EXOC2: variants seen among roughly 807,000 people sequenced by gnomAD.
EXOC2 encodes exocyst complex component 2.
EXOC2 carries 70 observed loss-of-function variants against 131.8 expected under a neutral mutation model. That is an observed-to-expected ratio of 0.53 (90% CI 0.44 to 0.65). The LOEUF (loss-of-function observed/expected upper bound fraction) is 0.65, where lower values mean the gene tolerates loss of function less well. Among genes scored for constraint, EXOC2 ranks in the 30% least tolerant of loss-of-function variants. The probability of loss-of-function intolerance (pLI) is 0.00; values close to 1 mark genes in which losing one functional copy is unlikely to be tolerated. For missense variants in EXOC2, 923 were observed against 1,108.6 expected (o/e 0.83, Z 2.38); for synonymous variants, 411 against 398.4 (o/e 1.03, Z -0.38).
chr6:632,873 G>A, intron 3 of EXOC2, 68 bp downstream of exon 3: 2 of 1,482,568 alleles, frequency 1.3e-6, no homozygotes, highest in Non-Finnish European at 1.8e-6. Context: ...GAATCTACCA[G>A]CTTTACAGCT....
chr6:593,701 C>T (rs1759665649), intron 10 of EXOC2, among the ~76,000 whole-genome samples: 1 of 152,282 alleles, frequency 6.6e-6, no homozygotes, highest in African/African-American at 2.4e-5. Context: ...AAGCCATATG[C>T]CATTCTTTGT....
chr6:589,329 C>T (rs1405095460), intron 11 of EXOC2, among the ~76,000 whole-genome samples: 1 of 151,396 alleles, frequency 6.6e-6, no homozygotes, highest in East Asian at 1.9e-4. Context: ...CTGTCGAGCA[C>T]CTGCACGGTG....
chr6:562,879 T>C (rs1483155118), intron 16 of EXOC2, 34 bp from the exon 17 acceptor site: 4 of 1,452,826 alleles, frequency 2.8e-6, no homozygotes, highest in Middle Eastern at 2.1e-4. Context: ...TACTTTATTA[T>C]AATTATCTCA....
chr6:598,086 T>C lies in EXOC2; in HGVS notation c.1008A>G (p.Arg336=), dbSNP rs1759919279. The part of the protein sequence containing the change: ...AEVETRIEAL[R]ELLLDKLLET... ...CAAGCAATTTATCCAGAAGTAATTC[T>C]CTTAAAGCTTCAATCCTTGTTTCTA... Residue 336 remains arginine (R), a synonymous_variant, in exon 10 of 28, where the codon AGA becomes AGG. Coordinates refer to ENST00000230449, the MANE Select transcript of EXOC2 (RefSeq NM_018303.6). 1 of 1,613,666 alleles carries C rather than the reference T, an allele frequency of 6.2e-7. No homozygotes were observed. The highest frequency in any genetic ancestry group is 8.5e-7 in the Non-Finnish European group (1 of 1,179,676).
In EXOC2 at chr6:689,611, T is replaced by C. The variant is rs370800470; in HGVS notation, c.-44+3408A>G. 5.0e-4 allele frequency among the ~76,000 whole-genome samples: 76 copies of C among 152,334 alleles called. 1 individual carries two copies. In the South Asian group the frequency reaches 0.015, roughly 30 times the overall value. On this transcript the variant is annotated intron_variant, in intron 1 of 27. Transcript: ENST00000230449. ...CTTCTGCTGGACTTACACTCAATAC[T>C]ACAGAGTTTAGTTCTTAGCTATTCT...
intron 15 of EXOC2, 30 bp downstream of exon 15, chr6:564,515 G>A (rs2277096): frequency 8.1e-6 from 13 of 1,611,912 alleles, no homozygotes; most frequent in Non-Finnish European, 1.1e-5. Context: ...ACAGAAGTAC[G>A]CCTTTCTCTG....
chr6:568,987 C>G (rs1216996803), intron 13 of EXOC2, among the ~76,000 whole-genome samples: 3 of 152,154 alleles, frequency 2.0e-5, no homozygotes, highest in African/African-American at 4.8e-5. Context: ...AGTTGTGGGG[C>G]AGACCGCTTT....
intron 10 of EXOC2, among the ~76,000 whole-genome samples, chr6:596,843 G>A (rs539837434): frequency 6.6e-6 from 1 of 152,172 alleles, no homozygotes; most frequent in South Asian, 2.1e-4. Context: ...AATCCTAGCA[G>A]AAAATGAAGT....
intron 1 of EXOC2, 99 bp downstream of exon 1, chr6:692,920 C>G (rs1765017883): frequency 6.6e-6 from 1 of 151,770 alleles, no homozygotes; most frequent in South Asian, 2.1e-4. Flanking sequence ...GTCCCTTCAC[C>G]GCTGAGGCCT....
chr6:529,224 G>A (rs998649725), intron 23 of EXOC2, among the ~76,000 whole-genome samples: 3 of 152,124 alleles, frequency 2.0e-5, no homozygotes, highest in East Asian at 3.8e-4. Flanking sequence ...ACCTAACGCC[G>A]CCCTTCAGGG....
chr6:591,543 T>C (rs573769965), intron 11 of EXOC2, among the ~76,000 whole-genome samples: 1 of 152,180 alleles, frequency 6.6e-6, no homozygotes, highest in South Asian at 2.1e-4. Context: ...AGAATGTCAC[T>C]CCCCTGACCT....
At chr6:585,079 A>G (rs146156121) in intron 11 of EXOC2, among the ~76,000 whole-genome samples, 67 of 152,350 alleles carry the variant, frequency 4.4e-4, no homozygotes, top group Middle Eastern at 6.8e-3. Context: ...TAAGGTAGTA[A>G]AAGTTTAACA....
At chr6:657,261 T>G (rs1487343695) in intron 1 of EXOC2, 3 of 252,200 alleles carry the variant, frequency 1.2e-5, no homozygotes, top group East Asian at 1.5e-4. Flanking sequence ...CTAAACACAA[T>G]GAAGACAAAA....
At chr6:656,616 G>A (rs754357254) in intron 1 of EXOC2, 3 of 1,602,030 alleles carry the variant, frequency 1.9e-6, no homozygotes, top group Admixed American at 3.4e-5. Flanking sequence ...CGTGAGGGAG[G>A]GGCGGCGCTT....
chr6:534,529 A>C (rs1427519389), intron 22 of EXOC2, among the ~76,000 whole-genome samples: 2 of 152,250 alleles, frequency 1.3e-5, no homozygotes, highest in African/African-American at 4.8e-5. Flanking sequence ...AACTGGTCTG[A>C]CGTCAGATTT....
intron 1 of EXOC2, among the ~76,000 whole-genome samples, chr6:650,486 G>A (rs1490129269): frequency 6.6e-6 from 1 of 152,086 alleles, no homozygotes; most frequent in East Asian, 1.9e-4. Flanking sequence ...TAAAATTTCT[G>A]TATTGTAAAA....
intron 1 of EXOC2, among the ~76,000 whole-genome samples, chr6:687,540 T>G (rs766401432): frequency 1.3e-5 from 2 of 152,160 alleles, no homozygotes; most frequent in African/African-American, 2.4e-5. Context: ...TGCGATACAA[T>G]GACTAGTCAC....
rs1763024275 is a variant in EXOC2 at position 486,020 on chromosome 6, G to C, written c.*651C>G. On this transcript the variant is annotated 3_prime_UTR_variant, in exon 28 of 28. Coordinates refer to ENST00000230449, the MANE Select transcript of EXOC2 (RefSeq NM_018303.6). ...AAATTAAGAGTGAGTGAGAATGAAAGCTCATGCTTAGCCCTGTGAAAAATA... is the reference window on the plus strand; with the variant it reads ...AAATTAAGAGTGAGTGAGAATGAAACCTCATGCTTAGCCCTGTGAAAAATA... 6.6e-6 allele frequency: 1 copy of C among 152,222 alleles called. No homozygotes were observed. The highest frequency in any genetic ancestry group is 1.5e-5 in the Non-Finnish European group (1 of 68,072). 9.4% of individuals were successfully genotyped at this position (152,222 alleles called of 1,614,324 possible).
intron 27 of EXOC2, among the ~76,000 whole-genome samples, chr6:487,336 T>C (rs2127461639): frequency 6.6e-6 from 1 of 152,322 alleles, no homozygotes; most frequent in South Asian, 2.1e-4. Context: ...TAGGGGCTAA[T>C]TCCACTAGGC....
Sources: gnomAD v4.1 joint callset for allele counts (sites outside exome capture counted in the v4.1 genomes callset) on GRCh38, gnomAD v4.1.1 for gene constraint, MANE v1.5 for transcripts, NCBI Gene and HGNC (gene_info 2026-07-23, HGNC 2026-07-21) for gene names.